The following HCRTR2 variants were observed in gnomAD, a reference collection of about 807,000 sequenced individuals.
HCRTR2 encodes orexin receptor type 2.
HCRTR2 carries 22 observed loss-of-function variants against 49.0 expected under a neutral mutation model. That is an observed-to-expected ratio of 0.45 (90% CI 0.32 to 0.64). The LOEUF (loss-of-function observed/expected upper bound fraction) is 0.64. Among genes scored for constraint, HCRTR2 ranks in the 30% least tolerant of loss-of-function variants. The pLI, the probability that HCRTR2 is intolerant of heterozygous loss-of-function variation, is 0.04. For synonymous variants in HCRTR2, 236 were observed against 205.3 expected, an observed-to-expected ratio of 1.15 and a Z score of -1.28; for missense variants, 491 against 559.4, an observed-to-expected ratio of 0.88 and a Z score of 1.23.
chr6:55,171,831 A>T (rs941225383), upstream of HCRTR2, among the ~76,000 whole-genome samples: 1 of 152,214 alleles, frequency 6.6e-6, no homozygotes, highest in African/African-American at 2.4e-5. Flanking sequence ...GACAAGTTGA[A>T]GTGCCACAAA....
At chr6:55,151,954 G>T (rs1262627235) in intron 1 of HCRTR2, among the ~76,000 whole-genome samples, 3 of 151,906 alleles carry the variant, frequency 2.0e-5, no homozygotes, top group Non-Finnish European at 1.5e-5. Flanking sequence ...ATCTTAAAAG[G>T]AATCTTTTTT....
In HCRTR2 at chr6:55,177,913, A is replaced by G. The variant is rs143302399; in HGVS notation, c.223+3103A>G. Among the ~76,000 whole-genome samples, 517 of 152,274 alleles carry G rather than the reference A, an allele frequency of 3.4e-3. 5 individuals carry two copies. Among genetic ancestry groups the G allele is most frequent in the African/African-American group, 0.011 (449 of 41,568 alleles). The stretch of plus-strand genomic sequence containing the variant: ...CAATGAAAAGCTGTAAGCATGTTTA[A>G]TGTGAAATTTTAAGTTCTAAGGAAG... On this transcript the variant is annotated intron_variant, in intron 1 of 6. Coordinates refer to ENST00000370862, the MANE Select transcript of HCRTR2 (RefSeq NM_001384272.1).
chr6:55,195,092 G>A (rs1469192486), intron 1 of HCRTR2, among the ~76,000 whole-genome samples: 1 of 151,852 alleles, frequency 6.6e-6, no homozygotes, highest in Non-Finnish European at 1.5e-5. Flanking sequence ...TTTACTTTCA[G>A]AATTAAAGGC....
rs144550905 is a variant in HCRTR2 at position 55,257,099 on chromosome 6, A to G, written c.646+1720A>G. Among the ~76,000 whole-genome samples, 364 of 152,174 alleles carry G rather than the reference A, an allele frequency of 2.4e-3. 2 individuals are homozygous for G. The highest frequency in any genetic ancestry group is 8.4e-3 in the African/African-American group (347 of 41,556). ...CAAGAAAATCCACATCATGGATACT[A>G]CATTACAAAGCAGAAAGAGTGAATC... On this transcript the variant is annotated intron_variant, in intron 3 of 6. Transcript: ENST00000370862.
At chr6:55,152,594 C>A (rs1764678176) in intron 1 of HCRTR2, among the ~76,000 whole-genome samples, 1 of 151,852 alleles carries the variant, frequency 6.6e-6, no homozygotes, top group South Asian at 2.1e-4. Context: ...GATCTGGAGG[C>A]TAGAAGTTTG....
intron 1 of HCRTR2, among the ~76,000 whole-genome samples, chr6:55,113,966 G>T (rs1193280847): frequency 6.6e-6 from 1 of 151,774 alleles, no homozygotes; most frequent in African/African-American, 2.4e-5. Flanking sequence ...GCCATAAAAA[G>T]GAATGAAATA....
chr6:55,239,451 T>C (rs1766277923), intron 1 of HCRTR2, among the ~76,000 whole-genome samples: 2 of 152,232 alleles, frequency 1.3e-5, no homozygotes, highest in African/African-American at 2.4e-5. Flanking sequence ...GAGATAATAA[T>C]CACAGGATTC....
At chr6:55,132,837 G>A (rs141693528) in intron 1 of HCRTR2, among the ~76,000 whole-genome samples, 151 of 151,150 alleles carry the variant, frequency 1.0e-3, no homozygotes, top group African/African-American at 3.5e-3. Context: ...TTTAGATGGG[G>A]TTGATCTTCA....
chr6:55,172,169 G>A (rs954163626), upstream of HCRTR2, among the ~76,000 whole-genome samples: 3 of 152,120 alleles, frequency 2.0e-5, no homozygotes, highest in Non-Finnish European at 2.9e-5. Context: ...TAGAATTTAA[G>A]GTCTGTTTAA....
intron 1 of HCRTR2, among the ~76,000 whole-genome samples, chr6:55,223,854 A>G (rs556458033): frequency 3.3e-5 from 5 of 152,318 alleles, no homozygotes; most frequent in African/African-American, 1.2e-4. Context: ...CATTATCAAT[A>G]TGGAGGAAAT....
chr6:55,271,344 C>A (rs571867111), intron 4 of HCRTR2, among the ~76,000 whole-genome samples: 2 of 152,122 alleles, frequency 1.3e-5, no homozygotes, highest in South Asian at 4.2e-4. Context: ...TATCCACAAG[C>A]AAAAGGATGG....
Position 55,282,265 on chromosome 6 carries a change from T to A in HCRTR2, c.1146T>A (p.Cys382Ter). 1 of 1,613,918 alleles carries A rather than the reference T, an allele frequency of 6.2e-7. No individual in the cohort carries two copies. Among genetic ancestry groups the A allele is most frequent in the Non-Finnish European group, 8.5e-7 (1 of 1,179,926 alleles). ...AATTTAAAGCTGCGTTTTCTTGCTGTTGCCTTGGAGTTCACCATCGCCAGG... is the reference window on the plus strand; with the variant it reads ...AATTTAAAGCTGCGTTTTCTTGCTGATGCCTTGGAGTTCACCATCGCCAGG... Reference protein sequence around the residue: ...REEFKAAFSCCCLGVHHRQED... With the variant: ...REEFKAAFSC The change falls in exon 7 of 7, where the codon TGT (cysteine) becomes TGA (stop). Residue 382 changes from cysteine (C) to a stop codon, truncating the protein, a stop_gained. Transcript: ENST00000370862. LOFTEE classifies it high-confidence loss of function.
intron 1 of HCRTR2, among the ~76,000 whole-genome samples, chr6:55,128,808 A>G (rs1443349201): frequency 6.6e-6 from 1 of 152,196 alleles, no homozygotes; most frequent in Non-Finnish European, 1.5e-5. Context: ...ACTGTAGCAC[A>G]CTAGTATTTA....
chr6:55,140,899 G>A (rs1264145913), intron 1 of HCRTR2, among the ~76,000 whole-genome samples: 9 of 152,150 alleles, frequency 5.9e-5, no homozygotes, highest in Non-Finnish European at 1.2e-4. Context: ...GATTAGGCAC[G>A]TAGAGGAAAA....
At chr6:55,250,990 C>G (rs1241731977) in intron 2 of HCRTR2, among the ~76,000 whole-genome samples, 1 of 152,110 alleles carries the variant, frequency 6.6e-6, no homozygotes, top group Non-Finnish European at 1.5e-5. Context: ...AAACTAGTAT[C>G]TCCAAATTCT....
Position 55,205,357 on chromosome 6 carries a change from G to A in HCRTR2, c.223+30547G>A, listed in dbSNP as rs1765582605. Among the ~76,000 whole-genome samples, 4 of 152,134 alleles carry A rather than the reference G, an allele frequency of 2.6e-5. No homozygotes were observed. The South Asian group carries it at 8.3e-4, about 31-fold the overall frequency. ...GAAAATGTGAGAGATCGAGAAGAAT[G>A]GCTGGGGAAGAAGGAATCTAAGGTA... On this transcript the variant is annotated intron_variant, in intron 1 of 6. Transcript: ENST00000370862.
chr6:55,126,161 G>T (rs1048811497), intron 1 of HCRTR2, among the ~76,000 whole-genome samples: 1 of 152,112 alleles, frequency 6.6e-6, no homozygotes, highest in Non-Finnish European at 1.5e-5. Flanking sequence ...TTCCCTTGCT[G>T]GTGAAGAGAT....
At chr6:55,280,485 C>A (rs202237036) in intron 6 of HCRTR2, 41 bp downstream of exon 6, 1 of 1,608,554 alleles carries the variant, frequency 6.2e-7, no homozygotes, top group Non-Finnish European at 8.5e-7. Context: ...CAATTGTAAC[C>A]AAGGATGAGG....
intron 1 of HCRTR2, among the ~76,000 whole-genome samples, chr6:55,140,910 G>A (rs942757075): frequency 1.3e-5 from 2 of 152,108 alleles, no homozygotes; most frequent in African/African-American, 4.8e-5. Flanking sequence ...TAGAGGAAAA[G>A]AGAGTTCGGA....
Sources: allele counts gnomAD v4.1 joint callset (sites outside exome capture counted in the v4.1 genomes callset), GRCh38; gene constraint gnomAD v4.1.1; transcripts MANE v1.5; gene names NCBI Gene and HGNC (gene_info 2026-07-23, HGNC 2026-07-21).